The following ZEB1 variants were observed in gnomAD, a reference collection of about 807,000 sequenced individuals.
The protein encoded by ZEB1 is zinc finger E-box-binding homeobox 1.
In ZEB1, 21 loss-of-function variants were observed where a neutral mutation model predicts 84.9. The observed-to-expected ratio is 0.25, with a 90% CI of 0.18 to 0.36. The LOEUF is 0.36. Among genes scored for constraint, ZEB1 ranks in the 10% least tolerant of loss-of-function variants. The pLI is 1.00. For synonymous variants in ZEB1, 420 were observed against 471.1 expected (o/e 0.89, Z 1.41); for missense variants, 1,104 against 1,330.2 (o/e 0.83, Z 2.65).
intron 1 of ZEB1, among the ~76,000 whole-genome samples, chr10:31,459,426 T>A (rs1190820065): frequency 6.6e-6 from 1 of 152,092 alleles, no homozygotes; most frequent in Non-Finnish European, 1.5e-5. Context: ...ACTTAGTGCA[T>A]TGAAATAATT....
At chr10:31,408,079 A>G (rs1159334251) in intron 1 of ZEB1, among the ~76,000 whole-genome samples, 1 of 151,942 alleles carries the variant, frequency 6.6e-6, no homozygotes, top group East Asian at 1.9e-4. Flanking sequence ...CAAAAATCAC[A>G]AGCATTCTTA....
chr10:31,416,402 T>A (rs773620045), intron 1 of ZEB1, among the ~76,000 whole-genome samples: 4 of 152,142 alleles, frequency 2.6e-5, no homozygotes, highest in Non-Finnish European at 4.4e-5. Flanking sequence ...TCAGATGATG[T>A]TGTGCTGATG....
chr10:31,525,437 G>C (rs2073240971), intron 8 of ZEB1, among the ~76,000 whole-genome samples: 1 of 152,202 alleles, frequency 6.6e-6, no homozygotes, highest in Non-Finnish European at 1.5e-5. Flanking sequence ...TTTCGAGCTT[G>C]AATGTGATGT....
chr10:31,422,149 A>G (rs893916981), intron 1 of ZEB1, among the ~76,000 whole-genome samples: 2 of 152,118 alleles, frequency 1.3e-5, no homozygotes, highest in African/African-American at 2.4e-5. Flanking sequence ...TTTCAAATAG[A>G]TGTTTTGAAT....
chr10:31,412,298 G>A lies in ZEB1; in HGVS notation c.59-48739G>A, dbSNP rs916268161. 6.6e-5 allele frequency among the ~76,000 whole-genome samples: 10 copies of A among 151,962 alleles called. No homozygotes were observed. In the East Asian group the frequency reaches 1.4e-3, roughly 21 times the overall value. On this transcript the variant is annotated intron_variant, in intron 1 of 8. Coordinates refer to ENST00000424869, the MANE Select transcript of ZEB1 (RefSeq NM_001174096.2). ...TATTATACTTTAAGTTCTAGGCTAC[G>A]TGTGCACAACATGCAGGTTTGTTAC...
chr10:31,526,475 G>A (rs1384272329), intron 8 of ZEB1, among the ~76,000 whole-genome samples, 197 bp from the exon 9 acceptor site: 2 of 152,100 alleles, frequency 1.3e-5, no homozygotes, highest in Non-Finnish European at 2.9e-5. Context: ...ACAGCAGAGT[G>A]TAGAGCACTA....
intron 3 of ZEB1, among the ~76,000 whole-genome samples, chr10:31,497,924 AATAGATAGATAGATAGATAGATAG>A (rs145458133): frequency 1.4e-5 from 2 of 145,382 alleles, no homozygotes; most frequent in African/African-American, 2.5e-5. Flanking sequence ...AGGATGGAAA[AATAGATAGATAGATAGATAGATAG>A]ATAGATAGAT....
intron 1 of ZEB1, chr10:31,321,825 C>T: frequency 4.5e-6 from 2 of 444,674 alleles, no homozygotes; most frequent in Non-Finnish European, 8.2e-6. Flanking sequence ...GGTTCTTGAT[C>T]GCTGCAGCAA....
At chr10:31,505,804 T>C (rs575341457) in intron 4 of ZEB1, among the ~76,000 whole-genome samples, 1 of 151,962 alleles carries the variant, frequency 6.6e-6, no homozygotes, top group Non-Finnish European at 1.5e-5. Context: ...TAGGGTTTGC[T>C]TTGTTCTTGC....
chr10:31,524,018 T>G lies in ZEB1; in HGVS notation c.2690T>G (p.Met897Arg), dbSNP rs777824092. 8.7e-6 allele frequency: 14 copies of G among 1,613,734 alleles called. No individual in the cohort carries two copies. The highest frequency in any genetic ancestry group is 1.2e-5 in the Non-Finnish European group (14 of 1,179,908). Reference sequence around the variant, plus strand: ...GATTCTACACCGCCCAAAAAGAAAATGCGGAAGACAGAAAATGGAATGTAT... The same window carrying G: ...GATTCTACACCGCCCAAAAAGAAAAGGCGGAAGACAGAAAATGGAATGTAT... ...DSDSTPPKKKMRKTENGMYAC... is the reference protein window; with the variant it reads ...DSDSTPPKKKRRKTENGMYAC... The change falls in exon 8 of 9, where the codon ATG becomes AGG. Residue 897 changes from methionine to arginine, a missense_variant. Met to Arg is a moderately conservative substitution (Grantham distance 91, BLOSUM62 -1). Transcript: ENST00000424869.
chr10:31,321,624 T>TCACACACATGTC, intron 1 of ZEB1: 2 of 1,588,956 alleles, frequency 1.3e-6, no homozygotes, highest in Non-Finnish European at 8.6e-7. Flanking sequence ...TGACGACATG[T>TCACACACATGTC]GTGTGACATG....
Position 31,520,972 on chromosome 10 carries a change from A to C in ZEB1, c.1640A>C (p.Glu547Ala). Residue 547 changes from glutamate (E) to alanine (A), a missense_variant, in exon 7 of 9, where the codon GAA becomes GCA. Glu to Ala is a moderately radical substitution (Grantham distance 107). Coordinates refer to ENST00000424869, the MANE Select transcript of ZEB1 (RefSeq NM_001174096.2). This position sits in a 1 kb window ranked among gnomAD's most constrained non-coding sequence, Gnocchi z 5.1. ...DCPGDINALP[E>A]LKHYDLKQPT... ...CCAGGAGATATTAATGCACTTCCAG[A>C]ATTAAAGCACTATGACCTAAAGCAG... is the stretch of plus-strand genomic sequence containing the variant. 1.2e-6 allele frequency: 2 copies of C among 1,614,104 alleles called. No homozygotes were observed. The highest frequency in any genetic ancestry group is 8.5e-7 in the Non-Finnish European group (1 of 1,179,998).
At chr10:31,408,594 A>G (rs1326777628) in intron 1 of ZEB1, among the ~76,000 whole-genome samples, 10 of 146,402 alleles carry the variant, frequency 6.8e-5, no homozygotes, top group Non-Finnish European at 1.3e-4. Context: ...AACGCCGCAT[A>G]TCTACAACTA....
At chr10:31,318,954 C>T (rs993248075), upstream of ZEB1, 1 of 507,254 alleles carries the variant, frequency 2.0e-6, no homozygotes, top group Non-Finnish European at 3.6e-6. Flanking sequence ...TTCCCGGCAT[C>T]CGCCTCCCTC....
intron 1 of ZEB1, among the ~76,000 whole-genome samples, chr10:31,400,631 T>C (rs1344111842): frequency 3.3e-5 from 5 of 152,110 alleles, no homozygotes; most frequent in Admixed American, 3.3e-4. Flanking sequence ...TAGGAATTTT[T>C]TTACAAAAAA....
intron 1 of ZEB1, among the ~76,000 whole-genome samples, chr10:31,404,994 T>A (rs1437720912): frequency 1.3e-5 from 2 of 152,192 alleles, no homozygotes; most frequent in African/African-American, 4.8e-5. Flanking sequence ...GTTGAAATTC[T>A]TAATCAATTT....
At chr10:31,492,466 T>C (rs1175508986) in intron 2 of ZEB1, among the ~76,000 whole-genome samples, 8 of 151,880 alleles carry the variant, frequency 5.3e-5, no homozygotes, top group African/African-American at 1.4e-4. Context: ...TTTGACATGA[T>C]ATTTTCCATT....
intron 2 of ZEB1, among the ~76,000 whole-genome samples, chr10:31,484,230 C>T (rs1339346918): frequency 1.3e-5 from 2 of 151,956 alleles, no homozygotes; most frequent in African/African-American, 2.4e-5. Context: ...GTCCATTTCA[C>T]CATTTAAAGT....
intron 4 of ZEB1, among the ~76,000 whole-genome samples, chr10:31,505,017 T>C (rs1199880908): frequency 6.6e-6 from 1 of 152,132 alleles, no homozygotes; most frequent in Non-Finnish European, 1.5e-5. Context: ...GAAATCCTTT[T>C]CTGATTACAC....
Sources: allele counts gnomAD v4.1 joint callset (sites outside exome capture counted in the v4.1 genomes callset), GRCh38; gene constraint gnomAD v4.1.1; non-coding constraint Gnocchi (gnomAD v3.1); transcripts MANE v1.5; gene names NCBI Gene and HGNC (gene_info 2026-07-23, HGNC 2026-07-21).